The following MIB1 variants were observed in gnomAD, a reference collection of about 807,000 sequenced individuals.
The protein encoded by MIB1 is E3 ubiquitin-protein ligase MIB1.
Under a neutral mutation model 124.5 loss-of-function variants are expected in MIB1, and 278 were observed. The ratio of observed to expected loss-of-function variants is 2.23; its 90% CI spans 2.02 to 2.47. The LOEUF (loss-of-function observed/expected upper bound fraction) is 2.47, where lower values mean the gene tolerates loss of function less well. Ranked by LOEUF, MIB1 falls within the 30% of genes most tolerant of loss-of-function variation. The probability of loss-of-function intolerance (pLI) is 0.00; values close to 1 mark genes in which losing one functional copy is unlikely to be tolerated. For synonymous variants in MIB1, 446 were observed against 429.4 expected (o/e 1.04, Z -0.48); for missense variants, 957 against 1,254.4 (o/e 0.76, Z 3.58).
chr18:21,707,400 A>G (rs1306882176), intron 1 of MIB1, among the ~76,000 whole-genome samples: 1 of 152,202 alleles, frequency 6.6e-6, no homozygotes, highest in Non-Finnish European at 1.5e-5. Context: ...GGGGCCGATA[A>G]GGGAATAAAA....
intron 8 of MIB1, 34 bp from the exon 9 acceptor site, chr18:21,799,807 T>G (rs976410897): frequency 1.9e-6 from 3 of 1,589,060 alleles, no homozygotes; most frequent in African/African-American, 1.3e-5. Flanking sequence ...TTTGAGATCC[T>G]CCTATATTAG....
intron 10 of MIB1, 60 bp from the exon 11 acceptor site, chr18:21,815,556 C>T: frequency 7.0e-7 from 1 of 1,428,268 alleles, no homozygotes; most frequent in Non-Finnish European, 9.7e-7. Flanking sequence ...ATTATTATAG[C>T]TTCAAGGTTT....
intron 6 of MIB1, among the ~76,000 whole-genome samples, chr18:21,780,497 T>C (rs904248013): frequency 1.5e-4 from 23 of 152,254 alleles, no homozygotes; most frequent in Admixed American, 1.4e-3. Flanking sequence ...TTTGTCTTTC[T>C]GTGTCTGGCT....
rs1032401471 is a variant in MIB1, at chr18:21,775,266, G to T, written c.636+1538G>T. ...GGCCTTATTTATTTTTAGAGACAGG[G>T]TCTTGCTCTGTCACTCAAGCTGGAG... On this transcript the variant is annotated intron_variant, in intron 4 of 20. Transcript: ENST00000261537. 2.0e-5 allele frequency among the ~76,000 whole-genome samples: 3 copies of T among 152,108 alleles called. No homozygotes were observed. The South Asian group carries it at 6.2e-4, about 32-fold the overall frequency.
intron 1 of MIB1, among the ~76,000 whole-genome samples, chr18:21,712,737 G>T (rs1454012581): frequency 6.6e-6 from 1 of 152,180 alleles, no homozygotes; most frequent in African/African-American, 2.4e-5. Flanking sequence ...CCCCTGATCA[G>T]AGGACCCAGT....
In MIB1 at chr18:21,865,588, T is replaced by C. The variant is rs2042314784; in HGVS notation, c.*922T>C. On this transcript the variant is annotated 3_prime_UTR_variant, in exon 21 of 21. Coordinates refer to ENST00000261537, the MANE Select transcript of MIB1 (RefSeq NM_020774.4). ...CCCTATTTGGACCTCTGAGGTTCTA[T>C]TTAGCTTTGCAGATGTACATAGTAT... The C allele has an allele frequency of 6.6e-6, 1 of 152,638 alleles. No homozygotes were observed. Among genetic ancestry groups the C allele is most frequent in the South Asian group, 2.1e-4 (1 of 4,834 alleles). The allele number at this position is 152,638 out of a possible 1,614,324, so 9.5% of individuals were successfully genotyped here.
chr18:21,779,561 CA>C lies in MIB1; in HGVS notation c.785del (p.Gln262ArgfsTer18). 6.2e-7 allele frequency: 1 copy of C among 1,613,966 alleles called. No individual in the cohort carries two copies. Among genetic ancestry groups the C allele is most frequent in the Admixed American group, 1.7e-5 (1 of 60,008 alleles). ...TATAGATCTCGACCTCGAAATTGTA[CA>C]GTCTTTGCAGCATGGTCATGGAGGA... is the stretch of plus-strand genomic sequence containing the variant. ...VNIDLDLEIVQSLQHGHGGWT... is the reference protein window; with the variant it reads ...VNIDLDLEIVXSLQHGHGGWT... On this transcript the variant is annotated frameshift_variant, in exon 6 of 21. Coordinates refer to ENST00000261537, the MANE Select transcript of MIB1 (RefSeq NM_020774.4). LOFTEE classifies it high-confidence loss of function.
chr18:21,843,958 A>G, intron 14 of MIB1, 134 bp from the exon 15 acceptor site: 1 of 795,802 alleles, frequency 1.3e-6, no homozygotes, highest in Non-Finnish European at 2.0e-6. Flanking sequence ...AGTAGAAGGC[A>G]AAAGCATAAA....
intron 1 of MIB1, among the ~76,000 whole-genome samples, chr18:21,760,941 A>G (rs1177229178): frequency 1.3e-5 from 2 of 152,128 alleles, no homozygotes; most frequent in Admixed American, 6.5e-5. Flanking sequence ...TTTATTTTAG[A>G]CCTTGTTCAG....
intron 1 of MIB1, among the ~76,000 whole-genome samples, chr18:21,752,691 A>ACTTCT (rs2040988853): frequency 6.6e-6 from 1 of 152,214 alleles, no homozygotes; most frequent in African/African-American, 2.4e-5. Flanking sequence ...GTAAATCCGT[A>ACTTCT]CAACCACTTT....
intron 7 of MIB1, 117 bp downstream of exon 7, chr18:21,791,674 T>C: frequency 1.3e-6 from 1 of 763,262 alleles, no homozygotes; most frequent in Non-Finnish European, 2.0e-6. Flanking sequence ...GTACTCTCCA[T>C]TTGCACCTAG....
At chr18:21,749,641 C>CTTTTTTT (rs10653364) in intron 1 of MIB1, among the ~76,000 whole-genome samples, 26,413 of 112,368 alleles carry the variant, frequency 0.24, 3,727 homozygotes, top group African/African-American at 0.38. Flanking sequence ...CTACCTTACT[C>CTTTTTTT]TTTTTTTTTT....
At chr18:21,817,718 T>C (rs1318401006) in intron 11 of MIB1, 5 of 436,216 alleles carry the variant, frequency 1.1e-5, no homozygotes, top group Non-Finnish European at 2.3e-5. Flanking sequence ...ACAGTCCCTT[T>C]CCTCAGTGTT....
At chr18:21,857,078 A>C in intron 18 of MIB1, 52 bp from the exon 19 acceptor site, 1 of 1,194,026 alleles carries the variant, frequency 8.4e-7, no homozygotes. Context: ...GAAAGGCAAC[A>C]CTCCTATTAA....
At chr18:21,737,434 T>G (rs1328023783), upstream of MIB1, among the ~76,000 whole-genome samples, 2 of 152,064 alleles carry the variant, frequency 1.3e-5, no homozygotes, top group Non-Finnish European at 2.9e-5. Context: ...ATGCCAAATT[T>G]TAAAGACCAT....
At chr18:21,762,798 T>C (rs141971862) in intron 1 of MIB1, among the ~76,000 whole-genome samples, 1 of 152,328 alleles carries the variant, frequency 6.6e-6, no homozygotes, top group African/African-American at 2.4e-5. Context: ...TTATTTATTT[T>C]AATCTTTTAA....
chr18:21,767,925 C>A (rs939557365), intron 2 of MIB1, among the ~76,000 whole-genome samples: 4 of 152,142 alleles, frequency 2.6e-5, no homozygotes, highest in Non-Finnish European at 5.9e-5. Flanking sequence ...CCTGCTCCCC[C>A]CACTGCCCCC....
At chr18:21,842,331 CT>C (rs2042098437) in intron 13 of MIB1, among the ~76,000 whole-genome samples, 1 of 152,056 alleles carries the variant, frequency 6.6e-6, no homozygotes, top group Admixed American at 6.6e-5. Flanking sequence ...ATCTTTAGCT[CT>C]TTTCTTGATC....
rs559656299 is a variant in MIB1 at position 21,846,318 on chromosome 18, A to T, written c.2212-626A>T. On this transcript the variant is annotated intron_variant, in intron 15 of 20. Transcript: ENST00000261537. ...TTAAAATGGGAAGAGGAGAGCACTTACCTCGATAAGGTTGTTGTAAAGATC... is the reference window on the plus strand; with the variant it reads ...TTAAAATGGGAAGAGGAGAGCACTTTCCTCGATAAGGTTGTTGTAAAGATC... 1.0e-3 allele frequency among the ~76,000 whole-genome samples: 152 copies of T among 152,252 alleles called. 1 individual carries two copies. The highest frequency in any genetic ancestry group is 6.3e-4 in the Non-Finnish European group (43 of 68,014).
Sources: gnomAD v4.1 joint callset for allele counts (sites outside exome capture counted in the v4.1 genomes callset) on GRCh38, gnomAD v4.1.1 for gene constraint, MANE v1.5 for transcripts, NCBI Gene and HGNC (gene_info 2026-07-23, HGNC 2026-07-21) for gene names.